ME1: variants seen among roughly 807,000 people sequenced by gnomAD.
The protein encoded by ME1 is malic enzyme 1, also known as NADP-dependent malic enzyme.
ME1 carries 74 observed loss-of-function variants against 66.4 expected under a neutral mutation model. That is an observed-to-expected ratio of 1.11 (90% confidence interval 0.92 to 1.35). The LOEUF is 1.35. ME1 is among the 40% of genes most tolerant of loss of function. The pLI is 0.00. For synonymous variants in ME1, 251 were observed against 235.6 expected (o/e 1.07, Z -0.60); for missense variants, 750 against 694.1 (o/e 1.08, Z -0.90).
intron 6 of ME1, among the ~76,000 whole-genome samples, chr6:83,312,899 A>G (rs1303495550): frequency 6.6e-6 from 1 of 152,152 alleles, no homozygotes; most frequent in East Asian, 1.9e-4. Context: ...GATTACAGGC[A>G]TACGCCACCA....
At chr6:83,342,153 G>C (rs181447356) in intron 5 of ME1, among the ~76,000 whole-genome samples, 1 of 152,098 alleles carries the variant, frequency 6.6e-6, no homozygotes, top group Non-Finnish European at 1.5e-5. Context: ...ATTTAAATGG[G>C]GTGAACACTA....
chr6:83,351,999 T>C, intron 4 of ME1, 65 bp downstream of exon 4: 1 of 958,184 alleles, frequency 1.0e-6, no homozygotes, highest in South Asian at 1.5e-5. Context: ...TCAGTATATT[T>C]TAAACTGTTT....
chr6:83,314,451 T>G (rs1012794144), intron 6 of ME1, among the ~76,000 whole-genome samples: 3 of 152,188 alleles, frequency 2.0e-5, no homozygotes, highest in African/African-American at 7.2e-5. Flanking sequence ...CATATAAAAT[T>G]CAGAATCAGG....
chr6:83,309,058 G>A (rs1218155582), intron 6 of ME1, among the ~76,000 whole-genome samples: 1 of 152,108 alleles, frequency 6.6e-6, no homozygotes, highest in Non-Finnish European at 1.5e-5. Context: ...GGGGAAACTA[G>A]GAGGAGATAA....
chr6:83,404,805 T>C (rs534441765), intron 2 of ME1, among the ~76,000 whole-genome samples: 23 of 152,192 alleles, frequency 1.5e-4, no homozygotes, highest in African/African-American at 5.5e-4. Flanking sequence ...TTATCAAAGA[T>C]CAGATGGTTG....
chr6:83,251,422 G>A (rs919599093), intron 7 of ME1, among the ~76,000 whole-genome samples: 2 of 151,786 alleles, frequency 1.3e-5, no homozygotes, highest in African/African-American at 4.8e-5. Flanking sequence ...TGGAACCCAG[G>A]AGCAGAGGTT....
At chr6:83,282,706 C>T (rs934458827) in intron 6 of ME1, among the ~76,000 whole-genome samples, 2 of 152,136 alleles carry the variant, frequency 1.3e-5, no homozygotes, top group Non-Finnish European at 2.9e-5. Context: ...TGTGACGATT[C>T]CTCAAGGATC....
At chr6:83,243,663 TACATTATATC>T (rs1790555077) in intron 7 of ME1, among the ~76,000 whole-genome samples, 1 of 122,104 alleles carries the variant, frequency 8.2e-6, no homozygotes, top group Admixed American at 9.7e-5. Context: ...CTATTATAAT[TACATTATATC>T]GATATAATCT....
intron 7 of ME1, among the ~76,000 whole-genome samples, chr6:83,242,498 G>A (rs933351811): frequency 1.3e-5 from 2 of 152,042 alleles, no homozygotes; most frequent in Admixed American, 6.6e-5. Flanking sequence ...CAAAGGTCAA[G>A]GCATTTAGAG....
chr6:83,423,979 G>A (rs1770320175), intron 1 of ME1, among the ~76,000 whole-genome samples: 1 of 151,360 alleles, frequency 6.6e-6, no homozygotes, highest in Non-Finnish European at 1.5e-5. Context: ...GCATGATGGT[G>A]TGCACCTGAA....
chr6:83,412,966 C>T (rs1405456990), intron 1 of ME1, among the ~76,000 whole-genome samples: 1 of 152,060 alleles, frequency 6.6e-6, no homozygotes, highest in Non-Finnish European at 1.5e-5. Flanking sequence ...AAGTAAATTT[C>T]ATTATATTGA....
intron 1 of ME1, among the ~76,000 whole-genome samples, chr6:83,414,415 T>G (rs754513001): frequency 6.6e-6 from 1 of 152,122 alleles, no homozygotes; most frequent in Non-Finnish European, 1.5e-5. Context: ...ATATCTGATA[T>G]AAAGTAATTT....
chr6:83,343,026 T>C (rs1768618658), intron 5 of ME1, among the ~76,000 whole-genome samples: 1 of 152,200 alleles, frequency 6.6e-6, no homozygotes, highest in African/African-American at 2.4e-5. Flanking sequence ...ATTTCAAGTC[T>C]TCTCTTCTAG....
In ME1 at chr6:83,228,927, C is replaced by A; in HGVS notation, c.1031G>T (p.Arg344Leu). The A allele has an allele frequency of 6.2e-7, 1 of 1,606,892 alleles. No individual in the cohort carries two copies. Among genetic ancestry groups the A allele is most frequent in the Non-Finnish European group, 8.5e-7 (1 of 1,176,734 alleles). The stretch of plus-strand genomic sequence containing the variant: ...CTCTTTCTCTTGTGTTAAGGAAGCA[C>A]GTCCCTAAGTAAAGCCAGTAAGAAA... ...VDSKGLIVKGRASLTQEKEKF... is the reference protein window; with the variant it reads ...VDSKGLIVKGLASLTQEKEKF... Residue 344 changes from arginine to leucine, a missense_variant, in exon 10 of 14, where the codon CGT becomes CTT. Physicochemically the swap from Arg to Leu is moderately radical, Grantham distance 102. Transcript: ENST00000369705.
chr6:83,310,115 T>C (rs755092745), intron 6 of ME1, among the ~76,000 whole-genome samples: 4 of 152,124 alleles, frequency 2.6e-5, no homozygotes, highest in Non-Finnish European at 5.9e-5. Context: ...GAAATTATGC[T>C]GAATATCATG....
chr6:83,293,842 T>TA (rs1424239950), intron 6 of ME1, among the ~76,000 whole-genome samples: 3 of 152,330 alleles, frequency 2.0e-5, no homozygotes, highest in South Asian at 4.1e-4. Flanking sequence ...GTCACTTTTA[T>TA]AAAAAACACC....
chr6:83,339,939 G>A (rs962085995), intron 5 of ME1, among the ~76,000 whole-genome samples: 2 of 137,942 alleles, frequency 1.4e-5, no homozygotes, highest in Middle Eastern at 4.3e-3. Context: ...CCTGCACAAT[G>A]TGCACATGTA....
intron 9 of ME1, among the ~76,000 whole-genome samples, chr6:83,237,303 AAAGAAAGAAAGAAAAGGAAG>A: frequency 1.3e-5 from 1 of 77,750 alleles, no homozygotes; most frequent in Non-Finnish European, 2.7e-5. Context: ...AAAGAAAGAA[AAAGAAAGAAAGAAAAGGAAG>A]GAAAGGAAGG....
At chr6:83,225,920 G>T (rs911174465) in intron 11 of ME1, among the ~76,000 whole-genome samples, 1 of 151,094 alleles carries the variant, frequency 6.6e-6, no homozygotes, top group Admixed American at 6.6e-5. Flanking sequence ...ATAAATGACA[G>T]TACTGTAGCT....
Sources: gnomAD v4.1 joint callset for allele counts (sites outside exome capture counted in the v4.1 genomes callset) on GRCh38, gnomAD v4.1.1 for gene constraint, MANE v1.5 for transcripts, NCBI Gene and HGNC (gene_info 2026-07-23, HGNC 2026-07-21) for gene names.